The following NAP1L4 variants were observed in gnomAD, a reference collection of about 807,000 sequenced individuals.
NAP1L4 encodes nucleosome assembly protein 1-like 4.
In NAP1L4, 15 loss-of-function variants were observed where a neutral mutation model predicts 58.2. The ratio of observed to expected loss-of-function variants is 0.26; its 90% CI spans 0.17 to 0.40. NAP1L4 has a LOEUF of 0.40. Among genes scored for constraint, NAP1L4 ranks in the 10% least tolerant of loss-of-function variants. The pLI, the probability that NAP1L4 is intolerant of heterozygous loss-of-function variation, is 1.00. For missense variants in NAP1L4, 384 were observed against 451.1 expected (o/e 0.85, Z 1.35); for synonymous variants, 171 against 155.6 (o/e 1.10, Z -0.74).
chr11:2,992,286 A>T lies in NAP1L4; in HGVS notation c.-50T>A, dbSNP rs932141525. ...CTCCTGCGGCAGTGGCGGCGACCCT[A>T]GCTTCGCTCGCTTTGGGGCTGCGCC... On this transcript the variant is annotated 5_prime_UTR_variant, in exon 1 of 16. Transcript: ENST00000380542. 1.3e-5 allele frequency: 2 copies of T among 152,174 alleles called. No homozygotes were observed. Among genetic ancestry groups the T allele is most frequent in the Admixed American group, 6.5e-5 (1 of 15,276 alleles). The allele number at this position is 152,174 out of a possible 1,614,324, so 9.4% of individuals were successfully genotyped here.
rs1845878721 is a variant in NAP1L4, at chr11:2,945,198, T to A, written c.*481A>T. On this transcript the variant is annotated 3_prime_UTR_variant, in exon 16 of 16. Transcript: ENST00000380542. ...GAAACAGCAAGTGGGTTTCTTCGGA[T>A]GAAAGGGAAGAATTCAGTCCAACTG... 1 of 173,144 alleles carries A rather than the reference T, an allele frequency of 5.8e-6. No homozygotes were observed. The highest frequency in any genetic ancestry group is 1.2e-5 in the Non-Finnish European group (1 of 82,232). The allele number at this position is 173,144 out of a possible 1,614,324, so 10.7% of individuals were successfully genotyped here.
intron 9 of NAP1L4, 34 bp from the exon 10 acceptor site, chr11:2,958,578 A>G (rs1238106382): frequency 1.3e-6 from 2 of 1,593,220 alleles, no homozygotes; most frequent in Admixed American, 1.8e-5. Context: ...GGAACACACA[A>G]TCCATGAGAA....
chr11:2,945,541 G>C lies in NAP1L4; in HGVS notation c.*138C>G. On this transcript the variant is annotated 3_prime_UTR_variant, in exon 16 of 16. Coordinates refer to ENST00000380542, the MANE Select transcript of NAP1L4 (RefSeq NM_005969.4). ...TGTCCACGGGATTGTGCTGCGGCAA[G>C]GACCGAGGCCCCGCCCACAGGCCTG... 7.2e-7 allele frequency: 1 copy of C among 1,394,478 alleles called. No individual in the cohort carries two copies. The highest frequency in any genetic ancestry group is 9.8e-7 in the Non-Finnish European group (1 of 1,021,426). 86.4% of individuals were successfully genotyped at this position (1,394,478 alleles called of 1,614,324 possible).
rs1034017077 is a variant in NAP1L4, at chr11:2,972,097, C to G, written c.315+5G>C. The G allele has an allele frequency of 2.6e-6, 4 of 1,555,444 alleles. No individual in the cohort carries two copies. In the African/African-American group the frequency reaches 5.6e-5, roughly 22 times the overall value. On this transcript the variant is annotated splice_donor_5th_base_variant and intron_variant, in intron 5 of 15. Transcript: ENST00000380542. ...TCTGTATATTAAATTAACAGAGCTCCCTACCTTGTCAAAGAGAGGCTGGTA... is the reference window on the plus strand; with the variant it reads ...TCTGTATATTAAATTAACAGAGCTCGCTACCTTGTCAAAGAGAGGCTGGTA...
chr11:2,983,742 C>T (rs1848460731), intron 1 of NAP1L4: 1 of 152,034 alleles, frequency 6.6e-6, no homozygotes, highest in Admixed American at 6.6e-5. Flanking sequence ...GTTTCAAATC[C>T]TACCCCTATC....
chr11:2,945,730 C>G, intron 15 of NAP1L4, 84 bp from the exon 16 acceptor site: 1 of 1,120,844 alleles, frequency 8.9e-7, no homozygotes, highest in Non-Finnish European at 1.3e-6. Flanking sequence ...AAAGCCAAGA[C>G]TGAATGAGTT....
rs547672628 is a variant in NAP1L4 at position 2,952,005 on chromosome 11, G to GA, written c.1036-197dup. 9.5e-6 allele frequency: 6 copies of GA among 633,984 alleles called. No individual in the cohort carries two copies. The South Asian group carries it at 1.1e-4, about 12-fold the overall frequency. 39.3% of individuals were successfully genotyped at this position (633,984 alleles called of 1,614,324 possible). On this transcript the variant is annotated intron_variant, in intron 12 of 15. Coordinates refer to ENST00000380542, the MANE Select transcript of NAP1L4 (RefSeq NM_005969.4). ...CATTTTAAAAGCATGCCAGGAAATT[G>GA]AAAGTCACGCAAAACAAGGAATAGG...
intron 7 of NAP1L4, 31 bp downstream of exon 7, chr11:2,969,772 T>C: frequency 6.3e-7 from 1 of 1,585,092 alleles, no homozygotes; most frequent in Non-Finnish European, 8.6e-7. Context: ...GACTAGCACA[T>C]AATCTCTCTA....
chr11:2,985,304 C>T (rs554378604), intron 1 of NAP1L4, among the ~76,000 whole-genome samples: 2 of 152,272 alleles, frequency 1.3e-5, no homozygotes, highest in South Asian at 2.1e-4. Context: ...CAAGTTTCAG[C>T]ACCACAAATT....
At chr11:2,977,312 A>T (rs767983841) in intron 3 of NAP1L4, among the ~76,000 whole-genome samples, 1 of 152,152 alleles carries the variant, frequency 6.6e-6, no homozygotes, top group Non-Finnish European at 1.5e-5. Context: ...TTAATCATCA[A>T]TCTCAGTGTC....
chr11:2,988,157 T>C (rs1298807023), intron 1 of NAP1L4: 5 of 152,204 alleles, frequency 3.3e-5, no homozygotes, highest in Admixed American at 1.3e-4. Context: ...CAAAAAATGA[T>C]TTCCTTTCCT....
intron 7 of NAP1L4, among the ~76,000 whole-genome samples, chr11:2,966,236 C>G (rs1182415935): frequency 6.6e-6 from 1 of 152,146 alleles, no homozygotes; most frequent in Non-Finnish European, 1.5e-5. Flanking sequence ...TTTTGATGCA[C>G]GTACACAATG....
chr11:2,982,903 C>G (rs1181118686), intron 1 of NAP1L4, among the ~76,000 whole-genome samples: 1 of 152,186 alleles, frequency 6.6e-6, no homozygotes, highest in Non-Finnish European at 1.5e-5. Flanking sequence ...CGCCTGTAAT[C>G]CCAGCAACTG....
intron 7 of NAP1L4, among the ~76,000 whole-genome samples, chr11:2,966,056 A>G (rs11024772): frequency 0.1 from 15,665 of 152,280 alleles, 940 homozygotes; most frequent in African/African-American, 0.15. Flanking sequence ...CCTCAGAAAC[A>G]CGCACTGGCA....
chr11:2,986,120 T>C (rs767041624), intron 1 of NAP1L4, among the ~76,000 whole-genome samples: 25 of 152,192 alleles, frequency 1.6e-4, no homozygotes, highest in Non-Finnish European at 3.7e-4. Flanking sequence ...ACGCCTGTAA[T>C]CCCAGCACTT....
At chr11:2,984,698 C>T (rs1437845138) in intron 1 of NAP1L4, among the ~76,000 whole-genome samples, 1 of 152,228 alleles carries the variant, frequency 6.6e-6, no homozygotes, top group African/African-American at 2.4e-5. Flanking sequence ...TCATGCTCTT[C>T]TGCATAACCT....
At chr11:2,991,167 G>T (rs1474424478) in intron 1 of NAP1L4, 2 of 456,092 alleles carry the variant, frequency 4.4e-6, no homozygotes, top group Non-Finnish European at 8.8e-6. Flanking sequence ...TGACACACAC[G>T]TTAGGGTCTA....
chr11:2,982,092 G>T (rs1160553180), intron 1 of NAP1L4, among the ~76,000 whole-genome samples: 1 of 152,134 alleles, frequency 6.6e-6, no homozygotes, highest in Non-Finnish European at 1.5e-5. Flanking sequence ...AAAGAATGAG[G>T]TGTTTTTTTC....
At chr11:2,966,679 C>G (rs1448973816) in intron 7 of NAP1L4, among the ~76,000 whole-genome samples, 1 of 152,162 alleles carries the variant, frequency 6.6e-6, no homozygotes, top group Non-Finnish European at 1.5e-5. Flanking sequence ...CACCTGCATG[C>G]GATGTTCAGT....
Sources: allele counts gnomAD v4.1 joint callset (sites outside exome capture counted in the v4.1 genomes callset), GRCh38; gene constraint gnomAD v4.1.1; transcripts MANE v1.5; gene names NCBI Gene and HGNC (gene_info 2026-07-23, HGNC 2026-07-21).